Variants in EPB41L4A observed in about 807,000 individuals in gnomAD.
The protein encoded by EPB41L4A is band 4.1-like protein 4A.
A neutral mutation model predicts 108.6 loss-of-function variants in EPB41L4A; 100 were observed. The ratio of observed to expected loss-of-function variants is 0.92; its 90% CI spans 0.78 to 1.09. The LOEUF is 1.09. Ranked by LOEUF, EPB41L4A falls within the 50% of genes least tolerant of loss-of-function variation. The pLI, the probability that EPB41L4A is intolerant of heterozygous loss-of-function variation, is 0.00. For synonymous variants in EPB41L4A, 319 were observed against 289.0 expected (o/e 1.10, Z -1.05); for missense variants, 1,030 against 842.7 (o/e 1.22, Z -2.75).
chr5:112,351,224 A>G (rs1385070114), intron 1 of EPB41L4A, among the ~76,000 whole-genome samples: 1 of 152,224 alleles, frequency 6.6e-6, no homozygotes, highest in Non-Finnish European at 1.5e-5. Flanking sequence ...CAAAATCAAT[A>G]AACTGCTAGC....
chr5:112,319,906 G>A (rs1262255767), intron 1 of EPB41L4A, among the ~76,000 whole-genome samples: 2 of 152,106 alleles, frequency 1.3e-5, no homozygotes, highest in East Asian at 3.8e-4. Context: ...AAAGCATTTA[G>A]GGGTAACCAG....
At chr5:112,202,370 CA>C (rs1041503130) in intron 15 of EPB41L4A, among the ~76,000 whole-genome samples, 1 of 152,178 alleles carries the variant, frequency 6.6e-6, no homozygotes, top group African/African-American at 2.4e-5. Context: ...GCAGTAAAAG[CA>C]GCTAGATCTC....
At chr5:112,311,305 T>C (rs1166951107) in intron 1 of EPB41L4A, among the ~76,000 whole-genome samples, 4 of 152,200 alleles carry the variant, frequency 2.6e-5, no homozygotes, top group Non-Finnish European at 1.5e-5. Flanking sequence ...GATCCAACTG[T>C]ATACTAAAAA....
intron 10 of EPB41L4A, 106 bp from the exon 11 acceptor site, chr5:112,239,843 TAAG>T (rs1317788217): frequency 3.5e-6 from 2 of 570,374 alleles, no homozygotes; most frequent in East Asian, 3.2e-5. Flanking sequence ...AGCCACTTTA[TAAG>T]AATACTTCTC....
chr5:112,375,885 A>T (rs1421088181), intron 1 of EPB41L4A, among the ~76,000 whole-genome samples: 1 of 152,216 alleles, frequency 6.6e-6, no homozygotes, highest in Non-Finnish European at 1.5e-5. Flanking sequence ...GAATCCTTAG[A>T]GAGGAGCAAC....
chr5:112,303,675 C>T (rs1316320808), intron 2 of EPB41L4A, among the ~76,000 whole-genome samples: 1 of 152,142 alleles, frequency 6.6e-6, no homozygotes, highest in Non-Finnish European at 1.5e-5. Flanking sequence ...TCAAGTAAGA[C>T]AAGGACTGAC....
intron 18 of EPB41L4A, among the ~76,000 whole-genome samples, chr5:112,178,568 A>C (rs532350001): frequency 1.3e-5 from 2 of 151,974 alleles, no homozygotes; most frequent in African/African-American, 4.8e-5. Context: ...CAAGGGATTA[A>C]AACTGTTCAG....
intron 4 of EPB41L4A, among the ~76,000 whole-genome samples, chr5:112,274,002 G>T (rs1752444794): frequency 6.6e-6 from 1 of 152,058 alleles, no homozygotes. Context: ...CTAAAAATGA[G>T]GTCTACGCTG....
intron 1 of EPB41L4A, among the ~76,000 whole-genome samples, chr5:112,331,311 A>G (rs1756553067): frequency 6.6e-6 from 1 of 152,206 alleles, no homozygotes; most frequent in African/African-American, 2.4e-5. Context: ...GTCCTCTCCT[A>G]CAACTACCCA....
chr5:112,413,658 G>A (rs1762538131), intron 1 of EPB41L4A, among the ~76,000 whole-genome samples: 1 of 152,198 alleles, frequency 6.6e-6, no homozygotes, highest in Non-Finnish European at 1.5e-5. Flanking sequence ...CGCTTGGTCA[G>A]GCAGAAGTGA....
At chr5:112,286,152 C>T (rs983154199) in intron 2 of EPB41L4A, among the ~76,000 whole-genome samples, 12 of 152,044 alleles carry the variant, frequency 7.9e-5, no homozygotes, top group African/African-American at 2.9e-4. Context: ...CATTGTCCCT[C>T]GCTGATGCCC....
At chr5:112,403,247 T>G (rs2112762390) in intron 1 of EPB41L4A, among the ~76,000 whole-genome samples, 1 of 150,612 alleles carries the variant, frequency 6.6e-6, no homozygotes, top group East Asian at 2.0e-4. Context: ...ATGTAATGGA[T>G]GAAAGGCAGT....
chr5:112,211,369 G>A (rs112690754), intron 12 of EPB41L4A, among the ~76,000 whole-genome samples: 1 of 152,136 alleles, frequency 6.6e-6, no homozygotes, highest in South Asian at 2.1e-4. Context: ...GGATCACGAG[G>A]TCAGGAGTTC....
intron 1 of EPB41L4A, among the ~76,000 whole-genome samples, chr5:112,407,098 GA>G (rs1417436600): frequency 6.6e-6 from 1 of 151,984 alleles, no homozygotes; most frequent in Non-Finnish European, 1.5e-5. Flanking sequence ...TGGCTGACAG[GA>G]AAAAGCAATG....
chr5:112,338,546 C>A (rs940659009), intron 1 of EPB41L4A, among the ~76,000 whole-genome samples: 2 of 152,122 alleles, frequency 1.3e-5, no homozygotes, highest in Non-Finnish European at 2.9e-5. Context: ...TTGTTTCCCC[C>A]ACTGTCTGGA....
chr5:112,359,686 G>A (rs1228022531), intron 1 of EPB41L4A, among the ~76,000 whole-genome samples: 1 of 151,946 alleles, frequency 6.6e-6, no homozygotes, highest in East Asian at 1.9e-4. Flanking sequence ...GACTACAGGC[G>A]CCTGCCACCA....
intron 1 of EPB41L4A, among the ~76,000 whole-genome samples, chr5:112,415,988 C>A (rs1762697017): frequency 6.7e-6 from 1 of 149,794 alleles, no homozygotes; most frequent in Admixed American, 6.6e-5. Flanking sequence ...TTTTTTTTAA[C>A]AGAAAATTAT....
intron 12 of EPB41L4A, among the ~76,000 whole-genome samples, chr5:112,225,410 A>C (rs1440360784): frequency 6.6e-6 from 1 of 152,206 alleles, no homozygotes; most frequent in Admixed American, 6.5e-5. Flanking sequence ...TTTCTCTGTA[A>C]ATCACAATGA....
At chr5:112,265,066 T>G in intron 5 of EPB41L4A, 50 bp from the exon 6 acceptor site, 2 of 1,445,312 alleles carry the variant, frequency 1.4e-6, no homozygotes, top group Non-Finnish European at 1.9e-6. Flanking sequence ...AAATAGTCCT[T>G]AAAACATAGA....
Sources: gnomAD v4.1 joint callset for allele counts (sites outside exome capture counted in the v4.1 genomes callset) on GRCh38, gnomAD v4.1.1 for gene constraint, MANE v1.5 for transcripts, NCBI Gene and HGNC (gene_info 2026-07-23, HGNC 2026-07-21) for gene names.